Variants in BAZ2B observed in about 807,000 individuals in gnomAD.
BAZ2B encodes the protein bromodomain adjacent to zinc finger domain 2B.
BAZ2B carries 91 observed loss-of-function variants against 246.0 expected under a neutral mutation model. The observed-to-expected ratio is 0.37, with a 90% CI of 0.31 to 0.44. BAZ2B has a LOEUF of 0.44. Ranked by LOEUF, BAZ2B falls within the 20% of genes least tolerant of loss-of-function variation. The pLI, the probability that BAZ2B is intolerant of heterozygous loss-of-function variation, is 1.00. For missense variants in BAZ2B, 2,332 were observed against 2,533.7 expected (o/e 0.92, Z 1.71); for synonymous variants, 855 against 860.0 (o/e 0.99, Z 0.10).
At chr2:159,656,738 C>G in the BAZ2B span, among the ~76,000 whole-genome samples, 2 of 152,098 alleles carry the variant, frequency 1.3e-5, no homozygotes, top group Non-Finnish European at 1.5e-5. Context: ...ATTAACAATT[C>G]CCTAATGGCA....
the BAZ2B span, among the ~76,000 whole-genome samples, chr2:159,656,429 T>C: frequency 9.2e-5 from 14 of 152,188 alleles, no homozygotes; most frequent in Admixed American, 8.5e-4. Context: ...TCTACCATTA[T>C]TGTATCATAC....
chr2:159,655,955 G>C, the BAZ2B span, among the ~76,000 whole-genome samples: 1 of 151,708 alleles, frequency 6.6e-6, no homozygotes, highest in African/African-American at 2.4e-5. Flanking sequence ...CTAACATCTG[G>C]GCCCACTCAG....
At chr2:159,384,290 T>C (rs1010662361) in intron 23 of BAZ2B, among the ~76,000 whole-genome samples, 1 of 152,108 alleles carries the variant, frequency 6.6e-6, no homozygotes, top group Non-Finnish European at 1.5e-5. Flanking sequence ...ATCATGCTCA[T>C]GCTTAAATGA....
chr2:159,698,227 A>ATT, the BAZ2B span, among the ~76,000 whole-genome samples: 2 of 152,116 alleles, frequency 1.3e-5, no homozygotes, highest in African/African-American at 4.8e-5. Context: ...CTTAGTATAA[A>ATT]AATATTTTAC....
At chr2:159,662,292 T>C in the BAZ2B span, among the ~76,000 whole-genome samples, 2 of 152,240 alleles carry the variant, frequency 1.3e-5, no homozygotes, top group African/African-American at 4.8e-5. Flanking sequence ...AGTACTACTA[T>C]AAACATTCAT....
the BAZ2B span, among the ~76,000 whole-genome samples, chr2:159,621,828 G>A: frequency 1.2e-4 from 18 of 151,508 alleles, no homozygotes; most frequent in African/African-American, 4.4e-4. Context: ...GCTAGGTGCC[G>A]GGTATGGTAG....
chr2:159,507,245 ATACAT>A (rs2082425970), intron 2 of BAZ2B, among the ~76,000 whole-genome samples: 1 of 152,204 alleles, frequency 6.6e-6, no homozygotes, highest in African/African-American at 2.4e-5. Context: ...ATATAGCCTG[ATACAT>A]TAAAGAGAAG....
chr2:159,595,302 A>G (rs1044177374), intron 1 of BAZ2B, among the ~76,000 whole-genome samples: 1 of 151,882 alleles, frequency 6.6e-6, no homozygotes, highest in African/African-American at 2.4e-5. Context: ...GGGTTTCTCC[A>G]TGTTGGTCAG....
intron 2 of BAZ2B, among the ~76,000 whole-genome samples, chr2:159,508,925 C>A (rs1048550227): frequency 6.6e-6 from 1 of 151,998 alleles, no homozygotes; most frequent in Non-Finnish European, 1.5e-5. Flanking sequence ...TCAAAGTTTC[C>A]CTGTTTTAAT....
chr2:159,336,531 C>G (rs538307384), intron 33 of BAZ2B, among the ~76,000 whole-genome samples: 2 of 152,240 alleles, frequency 1.3e-5, no homozygotes, highest in South Asian at 2.1e-4. Context: ...ATTTACTTAT[C>G]TAAGTGCTTC....
At chr2:159,323,377 T>C (rs2062979761) in intron 36 of BAZ2B, among the ~76,000 whole-genome samples, 1 of 152,308 alleles carries the variant, frequency 6.6e-6, no homozygotes, top group South Asian at 2.1e-4. Flanking sequence ...TATCCAGGAA[T>C]TGGAAGATCA....
intron 11 of BAZ2B, 32 bp downstream of exon 11, chr2:159,429,167 GA>G: frequency 4.9e-6 from 7 of 1,440,644 alleles, no homozygotes; most frequent in South Asian, 1.5e-5. Context: ...ATATATGGGG[GA>G]AAAAGAAAAA....
upstream of BAZ2B, among the ~76,000 whole-genome samples, chr2:159,619,583 A>G (rs1321566208): frequency 6.6e-6 from 1 of 150,840 alleles, no homozygotes; most frequent in African/African-American, 2.4e-5. Context: ...TATATTTAAA[A>G]TTATTTAATG....
intron 3 of BAZ2B, among the ~76,000 whole-genome samples, chr2:159,471,738 T>A (rs2150806465): frequency 6.6e-6 from 1 of 152,282 alleles, no homozygotes; most frequent in South Asian, 2.1e-4. Context: ...ACTGAAAAAG[T>A]CCTTTATAAT....
intron 2 of BAZ2B, among the ~76,000 whole-genome samples, chr2:159,493,079 A>G (rs977095656): frequency 6.6e-6 from 1 of 152,206 alleles, no homozygotes; most frequent in African/African-American, 2.4e-5. Context: ...TATACCTTCA[A>G]CTAGACACAA....
At chr2:159,389,129 A>AACCAACCAACCAAC (rs374289354) in intron 21 of BAZ2B, among the ~76,000 whole-genome samples, 1 of 128,840 alleles carries the variant, frequency 7.8e-6, no homozygotes, top group Non-Finnish European at 1.7e-5. Context: ...AACCAACCAA[A>AACCAACCAACCAAC]CAAACAAACA....
chr2:159,491,387 T>C (rs1310642910), intron 2 of BAZ2B, among the ~76,000 whole-genome samples: 1 of 152,144 alleles, frequency 6.6e-6, no homozygotes, highest in Non-Finnish European at 1.5e-5. Context: ...ATAATACTAG[T>C]GTTTGGGAGA....
At chr2:159,425,867 A>G (rs1576889881) in intron 13 of BAZ2B, among the ~76,000 whole-genome samples, 2 of 152,204 alleles carry the variant, frequency 1.3e-5, no homozygotes, top group East Asian at 3.8e-4. Context: ...CCAGTTAACC[A>G]TATGCTTAAA....
intron 2 of BAZ2B, among the ~76,000 whole-genome samples, chr2:159,511,218 T>G (rs2082885961): frequency 6.6e-6 from 1 of 152,164 alleles, no homozygotes; most frequent in Admixed American, 6.6e-5. Context: ...TTCTTTCTTT[T>G]TTGAGATGGA....
Sources: allele counts gnomAD v4.1 joint callset (sites outside exome capture counted in the v4.1 genomes callset), GRCh38; gene constraint gnomAD v4.1.1; transcripts MANE v1.5; gene names NCBI Gene and HGNC (gene_info 2026-07-23, HGNC 2026-07-21).